Variants in UGT1A8 observed in about 807,000 individuals in gnomAD.
UGT1A8 encodes the protein UDP-glucuronosyltransferase 1A8.
UGT1A8 carries 39 observed loss-of-function variants against 45.3 expected under a neutral mutation model. The ratio of observed to expected loss-of-function variants is 0.86; its 90% CI spans 0.67 to 1.12. UGT1A8 has a LOEUF of 1.12. Among genes scored for constraint, UGT1A8 ranks in the 50% most tolerant of loss-of-function variants. UGT1A8 has a pLI of 0.00. For missense variants in UGT1A8, 719 were observed against 664.9 expected (o/e 1.08, Z -0.90); for synonymous variants, 275 against 249.2 (o/e 1.10, Z -0.97).
At chr2:233,744,678 A>G (rs965177544) in intron 1 of UGT1A8, among the ~76,000 whole-genome samples, 2 of 151,880 alleles carry the variant, frequency 1.3e-5, no homozygotes, top group African/African-American at 2.4e-5. Context: ...CACATCACCC[A>G]TGTAGCTTCT....
At position 233,767,184 on chromosome 2, in the gene UGT1A8, A is replaced by T. The variant is rs1373599662; in HGVS notation, c.987+19A>T. 3.7e-6 allele frequency: 6 copies of T among 1,613,882 alleles called. No individual in the cohort carries two copies. Among genetic ancestry groups the T allele is most frequent in the Non-Finnish European group, 5.1e-6 (6 of 1,179,970 alleles). ...TCAGACAGTAAGAAGATTCTATACCATGGCCTCATATCTATTTTCACAGGA... is the reference window on the plus strand; with the variant it reads ...TCAGACAGTAAGAAGATTCTATACCTTGGCCTCATATCTATTTTCACAGGA... On this transcript the variant is annotated intron_variant, in intron 2 of 4. Coordinates refer to ENST00000373450, the MANE Select transcript of UGT1A8 (RefSeq NM_019076.5).
chr2:233,673,598 C>G (rs1303599385), intron 1 of UGT1A8, among the ~76,000 whole-genome samples: 5 of 152,078 alleles, frequency 3.3e-5, no homozygotes, highest in Non-Finnish European at 5.9e-5. Flanking sequence ...GTATGTCTCA[C>G]TATTTATTCA....
At chr2:233,689,789 G>A (rs1472874347) in intron 1 of UGT1A8, 2 of 424,176 alleles carry the variant, frequency 4.7e-6, no homozygotes, top group Non-Finnish European at 9.3e-6. Context: ...GTTATGATGT[G>A]ATCTGTAGTT....
chr2:233,623,353 C>G (rs1327764040), intron 1 of UGT1A8, among the ~76,000 whole-genome samples: 1 of 152,140 alleles, frequency 6.6e-6, no homozygotes, highest in Non-Finnish European at 1.5e-5. Context: ...TCTTCCTATC[C>G]ATGAGCATGG....
chr2:233,687,584 A>T (rs1393957016), intron 1 of UGT1A8, among the ~76,000 whole-genome samples: 24 of 40,642 alleles, frequency 5.9e-4, no homozygotes, highest in Non-Finnish European at 7.9e-4. Flanking sequence ...CATTCTTTGT[A>T]AAAAAAAAAA....
intron 1 of UGT1A8, among the ~76,000 whole-genome samples, chr2:233,725,200 A>G (rs1336173793): frequency 5.4e-5 from 5 of 92,552 alleles, no homozygotes; most frequent in South Asian, 4.2e-4. Flanking sequence ...GCAGAGGCAG[A>G]GGCAGAGGCA....
intron 1 of UGT1A8, chr2:233,637,172 A>G (rs2073318272): frequency 1.2e-6 from 2 of 1,613,970 alleles, no homozygotes; most frequent in East Asian, 2.2e-5. Context: ...TTGGAGGACC[A>G]TTTATTTTGC....
intron 1 of UGT1A8, chr2:233,693,782 G>T (rs1430331548): frequency 3.1e-6 from 5 of 1,614,078 alleles, no homozygotes; most frequent in Non-Finnish European, 4.2e-6. Context: ...ATATGACTTT[G>T]TGCTTGAATA....
At chr2:233,642,860 A>G (rs986648020) in intron 1 of UGT1A8, among the ~76,000 whole-genome samples, 5 of 151,896 alleles carry the variant, frequency 3.3e-5, no homozygotes, top group African/African-American at 1.2e-4. Context: ...CTTCCTCCCA[A>G]AAATACAGAG....
chr2:233,716,913 A>C (rs1022916140), intron 1 of UGT1A8, among the ~76,000 whole-genome samples: 1 of 152,088 alleles, frequency 6.6e-6, no homozygotes, highest in Non-Finnish European at 1.5e-5. Flanking sequence ...AGACCCTGGA[A>C]GCTGATGCCT....
chr2:233,623,235 T>C (rs2073040460), intron 1 of UGT1A8, among the ~76,000 whole-genome samples: 1 of 152,298 alleles, frequency 6.6e-6, no homozygotes, highest in East Asian at 1.9e-4. Context: ...ATATGAAATT[T>C]AAAGTAGTTT....
At chr2:233,751,583 A>G (rs1290710025) in intron 1 of UGT1A8, among the ~76,000 whole-genome samples, 1 of 152,192 alleles carries the variant, frequency 6.6e-6, no homozygotes, top group Non-Finnish European at 1.5e-5. Flanking sequence ...CATAATTCCC[A>G]TGTGTTAAGG....
At chr2:233,689,337 G>A (rs2074938700) in intron 1 of UGT1A8, among the ~76,000 whole-genome samples, 1 of 152,224 alleles carries the variant, frequency 6.6e-6, no homozygotes, top group Admixed American at 6.5e-5. Context: ...GATTTGCAAT[G>A]GGAGAAAGGA....
At chr2:233,662,295 A>C (rs912064287) in intron 1 of UGT1A8, among the ~76,000 whole-genome samples, 3 of 152,116 alleles carry the variant, frequency 2.0e-5, no homozygotes, top group Non-Finnish European at 4.4e-5. Flanking sequence ...TGACATACTC[A>C]AGTTTTTCTT....
chr2:233,739,953 G>A (rs1339008674), intron 1 of UGT1A8, among the ~76,000 whole-genome samples: 1 of 151,912 alleles, frequency 6.6e-6, no homozygotes, highest in Non-Finnish European at 1.5e-5. Context: ...CCTGGTGGGA[G>A]CTGATTGAAT....
intron 1 of UGT1A8, among the ~76,000 whole-genome samples, chr2:233,757,535 A>AATATATATACAT (rs376887521): frequency 1.6e-4 from 14 of 88,310 alleles, no homozygotes; most frequent in Middle Eastern, 5.7e-3. Flanking sequence ...GCCTGTAAGG[A>AATATATATACAT]ATATATATAT....
chr2:233,749,548 G>A (rs1179692892), intron 1 of UGT1A8, among the ~76,000 whole-genome samples: 1 of 151,762 alleles, frequency 6.6e-6, no homozygotes, highest in Non-Finnish European at 1.5e-5. Flanking sequence ...TAAAGAACAG[G>A]CTAATGTATT....
intron 1 of UGT1A8, among the ~76,000 whole-genome samples, chr2:233,763,842 A>G (rs1366123587): frequency 6.6e-6 from 1 of 152,224 alleles, no homozygotes; most frequent in Non-Finnish European, 1.5e-5. Context: ...AGGGTAAGAT[A>G]GCAGTGGTTC....
intron 1 of UGT1A8, among the ~76,000 whole-genome samples, chr2:233,736,069 T>G (rs1320914506): frequency 6.6e-6 from 1 of 152,194 alleles, no homozygotes; most frequent in Non-Finnish European, 1.5e-5. Flanking sequence ...CTTGCTAGGT[T>G]TGGGAAGTTC....
Sources: allele counts gnomAD v4.1 joint callset (sites outside exome capture counted in the v4.1 genomes callset), GRCh38; gene constraint gnomAD v4.1.1; transcripts MANE v1.5; gene names NCBI Gene and HGNC (gene_info 2026-07-23, HGNC 2026-07-21).